The following GBF1 variants were observed in gnomAD, a reference collection of about 807,000 sequenced individuals.
The protein encoded by GBF1 is Golgi-specific brefeldin A-resistance guanine nucleotide exchange factor 1.
Under a neutral mutation model 210.5 loss-of-function variants are expected in GBF1, and 114 were observed. The ratio of observed to expected loss-of-function variants is 0.54; its 90% CI spans 0.47 to 0.63. The LOEUF (loss-of-function observed/expected upper bound fraction) is 0.63. Among genes scored for constraint, GBF1 ranks in the 30% least tolerant of loss-of-function variants. The pLI is 0.00. For missense variants in GBF1, 1,851 were observed against 2,357.7 expected (o/e 0.79, Z 4.45); for synonymous variants, 850 against 889.2 (o/e 0.96, Z 0.78).
In GBF1 at chr10:102,364,236, T is replaced by TC. The variant is rs1346042592; in HGVS notation, c.2106+438_2106+439insC. 2.8e-5 allele frequency among the ~76,000 whole-genome samples: 4 copies of TC among 141,968 alleles called. No individual in the cohort carries two copies. The East Asian group carries it at 8.4e-4, about 30-fold the overall frequency. The allele number at this position is 141,968 out of a possible 152,430, so 93.1% of individuals were successfully genotyped here. ...GGATTTCTTTTTTTTTTTTTTTTTT[T>TC]TTTTTTCAGACGGAGTCTCTCTCTG... On this transcript the variant is annotated intron_variant, in intron 17 of 39. Coordinates refer to ENST00000369983, the MANE Select transcript of GBF1 (RefSeq NM_001377137.1).
At chr10:102,312,194 G>C (rs182031819) in intron 3 of GBF1, among the ~76,000 whole-genome samples, 24 of 152,116 alleles carry the variant, frequency 1.6e-4, no homozygotes, top group African/African-American at 5.1e-4. Context: ...AATGGAGGCC[G>C]AGGCGGGAGA....
At chr10:102,235,066 G>A in the GBF1 span, among the ~76,000 whole-genome samples, 1 of 151,978 alleles carries the variant, frequency 6.6e-6, no homozygotes, top group Non-Finnish European at 1.5e-5. Context: ...CCACACATGC[G>A]CTGCCACATC....
intron 3 of GBF1, among the ~76,000 whole-genome samples, chr10:102,329,343 C>A (rs551536514): frequency 3.9e-5 from 6 of 152,244 alleles, no homozygotes; most frequent in Non-Finnish European, 2.9e-5. Context: ...CCTAGGTAAA[C>A]CTGACACTTA....
intron 3 of GBF1, among the ~76,000 whole-genome samples, chr10:102,278,024 A>G (rs1374471946): frequency 6.6e-6 from 1 of 152,106 alleles, no homozygotes; most frequent in Non-Finnish European, 1.5e-5. Flanking sequence ...TGGGAGGCCA[A>G]GGCAGGAGGG....
At chr10:102,354,722 T>C (rs1016860163) in intron 8 of GBF1, among the ~76,000 whole-genome samples, 1 of 152,122 alleles carries the variant, frequency 6.6e-6, no homozygotes, top group Non-Finnish European at 1.5e-5. Flanking sequence ...TGGGGTCTGC[T>C]GTTACCTTGT....
At chr10:102,251,141 A>G (rs1180603175) in intron 1 of GBF1, among the ~76,000 whole-genome samples, 2 of 152,262 alleles carry the variant, frequency 1.3e-5, no homozygotes, top group African/African-American at 4.8e-5. Context: ...ATGTGCAAAT[A>G]ACACTTAAGG....
chr10:102,293,764 G>GTTTTT (rs1263151407), intron 3 of GBF1, among the ~76,000 whole-genome samples: 2,171 of 50,760 alleles, frequency 0.043, 810 homozygotes, highest in Non-Finnish European at 0.067. Context: ...GCTGTAGTAT[G>GTTTTT]TTTTGTGTTT....
At position 102,344,216 on chromosome 10, in the gene GBF1, A is replaced by T. The variant is rs560403944; in HGVS notation, c.295+34A>T. 3 of 1,609,540 alleles carry T rather than the reference A, an allele frequency of 1.9e-6. No homozygotes were observed. In the Admixed American group the frequency reaches 5.0e-5, roughly 27 times the overall value. On this transcript the variant is annotated intron_variant, in intron 4 of 39. Transcript: ENST00000369983. ...TCAGGCTTTGTTGCATGACCACAGC[A>T]CTTCATTTCCCACCTTTCCTGGGGT...
chr10:102,288,736 C>CA (rs551813534), intron 3 of GBF1, among the ~76,000 whole-genome samples: 17,116 of 130,380 alleles, frequency 0.13, 1,409 homozygotes, highest in East Asian at 0.26. Context: ...AAAAAAAAAA[C>CA]AAAAAAAAAA....
chr10:102,348,911 G>A (rs2058752132), intron 4 of GBF1, among the ~76,000 whole-genome samples: 1 of 151,852 alleles, frequency 6.6e-6, no homozygotes, highest in African/African-American at 2.4e-5. Flanking sequence ...GCACTTTGGG[G>A]GTCCAGGCAG....
intron 1 of GBF1, among the ~76,000 whole-genome samples, chr10:102,250,650 A>G (rs1276929840): frequency 3.3e-5 from 5 of 151,858 alleles, no homozygotes; most frequent in Non-Finnish European, 7.4e-5. Context: ...CACCTGGCCA[A>G]GGAAATGTTT....
At chr10:102,276,308 C>T (rs551585620) in intron 3 of GBF1, among the ~76,000 whole-genome samples, 6 of 151,574 alleles carry the variant, frequency 4.0e-5, no homozygotes, top group East Asian at 2.0e-4. Flanking sequence ...AGGCGGATCA[C>T]GAGGTCAGGA....
intron 37 of GBF1, 45 bp downstream of exon 37, chr10:102,380,407 T>A: frequency 1.3e-6 from 2 of 1,572,770 alleles, no homozygotes; most frequent in East Asian, 2.2e-5. Context: ...GTCCCACCTG[T>A]TGGAAGGACT....
intron 3 of GBF1, among the ~76,000 whole-genome samples, chr10:102,338,536 G>A (rs555746448): frequency 8.6e-5 from 13 of 151,966 alleles, no homozygotes; most frequent in African/African-American, 2.2e-4. Context: ...GAGCCACTGC[G>A]CCCAGCCGAT....
chr10:102,346,647 A>G (rs1238629460), intron 4 of GBF1, among the ~76,000 whole-genome samples: 3 of 152,168 alleles, frequency 2.0e-5, no homozygotes, highest in Admixed American at 6.5e-5. Context: ...AGCTGGGACT[A>G]TAGGCACACG....
intron 29 of GBF1, among the ~76,000 whole-genome samples, chr10:102,372,558 C>T (rs984978138): frequency 2.0e-5 from 3 of 151,926 alleles, no homozygotes; most frequent in Non-Finnish European, 2.9e-5. Flanking sequence ...TATGTGGTGT[C>T]GATGGAGGGA....
chr10:102,314,180 CTT>C (rs2078731721), intron 3 of GBF1, among the ~76,000 whole-genome samples: 1 of 130,528 alleles, frequency 7.7e-6, no homozygotes, highest in Non-Finnish European at 1.6e-5. Context: ...GGATTACGCT[CTT>C]TTGCCCAGGC....
At chr10:102,343,510 G>T (rs2058330999) in intron 3 of GBF1, among the ~76,000 whole-genome samples, 1 of 152,104 alleles carries the variant, frequency 6.6e-6, no homozygotes, top group Non-Finnish European at 1.5e-5. Flanking sequence ...TTAACTGTTT[G>T]TTAACTCTTT....
At position 102,361,078 on chromosome 10, in the gene GBF1, A is replaced by G. The variant is rs1002416622; in HGVS notation, c.1449A>G (p.Leu483=). Residue 483 remains leucine (L), a synonymous_variant, in exon 13 of 40, where the codon CTA becomes CTG. Coordinates refer to ENST00000369983, the MANE Select transcript of GBF1 (RefSeq NM_001377137.1). ...LYAASLRVCF[L]LFESMREHLK... ...CTGCTTCCCTGCGAGTATGCTTCCTACTGTTTGAGAGCATGCGAGAGCACC... is the reference window on the plus strand; with the variant it reads ...CTGCTTCCCTGCGAGTATGCTTCCTGCTGTTTGAGAGCATGCGAGAGCACC... The G allele has an allele frequency of 1.9e-6, 3 of 1,607,514 alleles. No individual in the cohort carries two copies. In the African/African-American group the frequency reaches 4.0e-5, roughly 22 times the overall value.
Sources: allele counts gnomAD v4.1 joint callset (sites outside exome capture counted in the v4.1 genomes callset), GRCh38; gene constraint gnomAD v4.1.1; transcripts MANE v1.5; gene names NCBI Gene and HGNC (gene_info 2026-07-23, HGNC 2026-07-21).